Variants in TUBGCP3 observed in about 807,000 individuals in gnomAD.
The protein encoded by TUBGCP3 is tubulin gamma complex component 3, also known as gamma-tubulin complex component 3.
In TUBGCP3, 50 loss-of-function variants were observed where a neutral mutation model predicts 123.1. The ratio of observed to expected loss-of-function variants is 0.41; its 90% confidence interval spans 0.32 to 0.51. The LOEUF (loss-of-function observed/expected upper bound fraction) is 0.51. Ranked by LOEUF, TUBGCP3 falls within the 20% of genes least tolerant of loss-of-function variation. The pLI, the probability that TUBGCP3 is intolerant of heterozygous loss-of-function variation, is 0.36. For missense variants in TUBGCP3, 882 were observed against 1,127.0 expected (o/e 0.78, Z 3.11); for synonymous variants, 405 against 413.9 (o/e 0.98, Z 0.26).
intron 19 of TUBGCP3, among the ~76,000 whole-genome samples, chr13:112,501,965 C>T (rs1052831469): frequency 6.6e-5 from 10 of 152,176 alleles, no homozygotes; most frequent in Admixed American, 5.2e-4. Flanking sequence ...GACTAAGTCT[C>T]CTACATTCTC....
the TUBGCP3 span, among the ~76,000 whole-genome samples, chr13:112,600,506 A>G: frequency 9.5e-4 from 145 of 152,320 alleles, no homozygotes; most frequent in East Asian, 7.1e-3. Context: ...AAAAACTCCT[A>G]TCTTTCAGGA....
intron 19 of TUBGCP3, among the ~76,000 whole-genome samples, chr13:112,500,791 C>T (rs1880851678): frequency 6.6e-6 from 1 of 152,240 alleles, no homozygotes; most frequent in Non-Finnish European, 1.5e-5. Context: ...AAAGCCACTT[C>T]TCATCACCCA....
chr13:112,488,724 G>A (rs1375122053), intron 21 of TUBGCP3, among the ~76,000 whole-genome samples: 2 of 143,818 alleles, frequency 1.4e-5, no homozygotes, highest in Non-Finnish European at 3.1e-5. Context: ...GGGAGCACAG[G>A]AGCCACCCCC....
chr13:112,580,860 T>C (rs1161363415), intron 1 of TUBGCP3, among the ~76,000 whole-genome samples: 2 of 152,240 alleles, frequency 1.3e-5, no homozygotes, highest in Non-Finnish European at 2.9e-5. Context: ...CTGTTGATTC[T>C]ATTTCTAAAA....
intron 2 of TUBGCP3, among the ~76,000 whole-genome samples, chr13:112,567,302 C>T (rs1428206452): frequency 6.6e-6 from 1 of 152,358 alleles, no homozygotes; most frequent in South Asian, 2.1e-4. Flanking sequence ...AACAAAGTAG[C>T]TGTCAGTTCT....
intron 20 of TUBGCP3, among the ~76,000 whole-genome samples, chr13:112,492,972 C>G (rs2139192390): frequency 6.7e-6 from 1 of 148,428 alleles, no homozygotes; most frequent in Non-Finnish European, 1.5e-5. Context: ...GACACTCTAG[C>G]TTTGGGAACG....
intron 3 of TUBGCP3, among the ~76,000 whole-genome samples, chr13:112,562,193 A>C (rs923688011): frequency 2.0e-5 from 3 of 151,652 alleles, no homozygotes; most frequent in Non-Finnish European, 4.4e-5. Context: ...CCACTAGGGA[A>C]CACCACCAGC....
intron 12 of TUBGCP3, 132 bp downstream of exon 12, chr13:112,527,242 C>T: frequency 4.0e-6 from 3 of 746,936 alleles, no homozygotes; most frequent in Non-Finnish European, 6.5e-6. Flanking sequence ...AATTAACATG[C>T]ACTTACTTCA....
intron 13 of TUBGCP3, among the ~76,000 whole-genome samples, chr13:112,523,038 T>C (rs1315769504): frequency 1.3e-5 from 2 of 152,172 alleles, no homozygotes; most frequent in African/African-American, 2.4e-5. Context: ...AGCAGTAACA[T>C]AGCGGAAGAA....
Position 112,524,783 on chromosome 13 carries a change from C to T in TUBGCP3, c.1555+2159G>A, listed in dbSNP as rs918790455. On this transcript the variant is annotated intron_variant, in intron 13 of 21. Coordinates refer to ENST00000261965, the MANE Select transcript of TUBGCP3 (RefSeq NM_006322.6). The surrounding 1 kb of genome is among the most constrained non-coding windows in gnomAD (Gnocchi z 4.4). ...CTGAGTTACCATGGTGAGATAAGTG[C>T]TTCCAAAATCTCTATATTCGGCCCT... 5.9e-5 allele frequency among the ~76,000 whole-genome samples: 9 copies of T among 152,178 alleles called. No homozygotes were observed. The highest frequency in any genetic ancestry group is 2.2e-4 in the African/African-American group (9 of 41,432).
intron 2 of TUBGCP3, 102 bp downstream of exon 2, chr13:112,569,050 G>A (rs537946641): frequency 3.7e-5 from 37 of 1,002,728 alleles, no homozygotes; most frequent in South Asian, 2.7e-4. Flanking sequence ...ATTAAAATGC[G>A]CTTGGGAACT....
At chr13:112,486,206 CG>C in intron 21 of TUBGCP3, 55 bp from the exon 22 acceptor site, 1 of 1,597,506 alleles carries the variant, frequency 6.3e-7, no homozygotes, top group Non-Finnish European at 8.5e-7. Context: ...AACCCACAAA[CG>C]TATTCCCCGG....
intron 5 of TUBGCP3, among the ~76,000 whole-genome samples, chr13:112,556,462 G>GA (rs1880055208): frequency 6.6e-6 from 1 of 152,112 alleles, no homozygotes; most frequent in Non-Finnish European, 1.5e-5. Context: ...CACAGCAGTG[G>GA]AAAAATCATC....
Position 112,588,064 on chromosome 13 carries a change from G to A in TUBGCP3, c.-84C>T. On this transcript the variant is annotated 5_prime_UTR_variant, in exon 1 of 22. Transcript: ENST00000261965. Reference sequence around the variant, plus strand: ...AGGGACCGCGGCCCGCGCCCTTCCTGCGCCCCGCAAGCTCCCTGCTCCTGA... The same window carrying A: ...AGGGACCGCGGCCCGCGCCCTTCCTACGCCCCGCAAGCTCCCTGCTCCTGA... 7 of 1,195,200 alleles carry A rather than the reference G, an allele frequency of 5.9e-6. No homozygotes were observed. Among genetic ancestry groups the A allele is most frequent in the Non-Finnish European group, 6.5e-6 (6 of 917,182 alleles). 74.0% of individuals were successfully genotyped at this position (1,195,200 alleles called of 1,614,324 possible). A position where few individuals can be genotyped will look rare whatever the true frequency, so the allele number is the denominator to read the frequency against.
rs151004487 is a variant in TUBGCP3, at chr13:112,485,859, G to A, written c.*134C>T. The A allele has an allele frequency of 3.4e-3, 2,877 of 853,460 alleles. 65 individuals are homozygous for A. In the Admixed American group the frequency reaches 0.045, roughly 13 times the overall value. 52.9% of individuals were successfully genotyped at this position (853,460 alleles called of 1,614,324 possible). A position where few individuals can be genotyped will look rare whatever the true frequency, so the allele number is the denominator to read the frequency against. Reference sequence around the variant, plus strand: ...CGTGGCTTCTCCCACACGCCGCTCCGCTGAAACATGGCGCACTCGTGGGCG... The same window carrying A: ...CGTGGCTTCTCCCACACGCCGCTCCACTGAAACATGGCGCACTCGTGGGCG... On this transcript the variant is annotated 3_prime_UTR_variant, in exon 22 of 22. Coordinates refer to ENST00000261965, the MANE Select transcript of TUBGCP3 (RefSeq NM_006322.6).
rs186669243 is a variant in TUBGCP3 at position 112,549,354 on chromosome 13, G to C, written c.967-1178C>G. Among the ~76,000 whole-genome samples, 961 of 152,064 alleles carry C rather than the reference G, an allele frequency of 6.3e-3. 10 individuals carry two copies. The highest frequency in any genetic ancestry group is 0.022 in the African/African-American group (896 of 41,460). On this transcript the variant is annotated intron_variant, in intron 8 of 21. Transcript: ENST00000261965. Reference sequence around the variant, plus strand: ...TGTTGTGGGGTGGGGGGAGCGGGGAGGGATGGCATTAGGAGATTTACCTAA... The same window carrying C: ...TGTTGTGGGGTGGGGGGAGCGGGGACGGATGGCATTAGGAGATTTACCTAA...
intron 19 of TUBGCP3, among the ~76,000 whole-genome samples, chr13:112,501,437 T>G (rs1366509235): frequency 1.3e-5 from 2 of 152,224 alleles, no homozygotes; most frequent in Non-Finnish European, 2.9e-5. Flanking sequence ...ACAGGGCACC[T>G]GCAGGAGGCC....
At chr13:112,502,202 C>T (rs1157676444) in intron 19 of TUBGCP3, among the ~76,000 whole-genome samples, 1 of 152,212 alleles carries the variant, frequency 6.6e-6, no homozygotes, top group Non-Finnish European at 1.5e-5. Context: ...GTTGAAGAGA[C>T]TAGGACCATG....
the TUBGCP3 span, among the ~76,000 whole-genome samples, chr13:112,593,555 C>G: frequency 2.0e-4 from 30 of 152,164 alleles, no homozygotes; most frequent in Non-Finnish European, 3.8e-4. Context: ...TGCCTGCAAT[C>G]CCAGCTACTC....
Sources: allele counts gnomAD v4.1 joint callset (sites outside exome capture counted in the v4.1 genomes callset), GRCh38; gene constraint gnomAD v4.1.1; non-coding constraint Gnocchi (gnomAD v3.1); transcripts MANE v1.5; gene names NCBI Gene and HGNC (gene_info 2026-07-23, HGNC 2026-07-21).